Variants in MTHFSD observed in about 807,000 individuals in gnomAD.
MTHFSD encodes the protein methenyltetrahydrofolate synthetase domain containing.
In MTHFSD, 37 loss-of-function variants were observed where a neutral mutation model predicts 31.1. The ratio of observed to expected loss-of-function variants is 1.19; its 90% CI spans 0.91 to 1.56. MTHFSD has a LOEUF of 1.56. Ranked by LOEUF, MTHFSD falls within the 40% of genes most tolerant of loss-of-function variation. The pLI, the probability that MTHFSD is intolerant of heterozygous loss-of-function variation, is 0.00. For synonymous variants in MTHFSD, 221 were observed against 206.9 expected (o/e 1.07, Z -0.59); for missense variants, 664 against 510.1 (o/e 1.30, Z -2.91).
chr16:86,554,831 G>A, intron 1 of MTHFSD, 80 bp from the exon 2 acceptor site: 2 of 1,285,452 alleles, frequency 1.6e-6, no homozygotes, highest in Non-Finnish European at 2.2e-6. Flanking sequence ...GTAGTTAAGC[G>A]ACCCCCGCGT....
chr16:86,531,378 G>A lies in MTHFSD; in HGVS notation c.*633C>T, dbSNP rs1435158559. On this transcript the variant is annotated 3_prime_UTR_variant, in exon 8 of 8. Transcript: ENST00000360900. This position sits in a 1 kb window ranked among gnomAD's most constrained non-coding sequence, Gnocchi z 5.5. ...ATGCAGCCAGCTGGCTGAGGGCCCG[G>A]AGTGTGTCCACAGAGGGAGGAGCGG... 1 of 152,400 alleles carries A rather than the reference G, an allele frequency of 6.6e-6. No individual in the cohort carries two copies. Among genetic ancestry groups the A allele is most frequent in the East Asian group, 1.9e-4 (1 of 5,188 alleles). 9.4% of individuals were successfully genotyped at this position (152,400 alleles called of 1,614,324 possible).
chr16:86,532,268 C>A lies in MTHFSD; in HGVS notation c.895G>T (p.Gly299Trp), dbSNP rs202232973. 296 of 1,567,766 alleles carry A rather than the reference C, an allele frequency of 1.9e-4. 1 individual carries two copies. In the African/African-American group the frequency reaches 3.6e-3, roughly 19 times the overall value. The change falls in exon 8 of 8, where the codon GGG (glycine) becomes TGG (tryptophan). Residue 299 changes from glycine to tryptophan, a missense_variant. Transcript: ENST00000360900. ...SMEAAPGSPPGEGAPLAADVY... is the reference protein window; with the variant it reads ...SMEAAPGSPPWEGAPLAADVY... ...TCGGCTGCAAGCGGGGCACCCTCCC[C>A]TGGTGGGGAGCCAGGGGCTGCCTCC...
At chr16:86,534,666 G>C (rs776163210) in intron 7 of MTHFSD, among the ~76,000 whole-genome samples, 2 of 152,126 alleles carry the variant, frequency 1.3e-5, no homozygotes, top group African/African-American at 4.8e-5. Context: ...ATTTAGTATT[G>C]AAACAGATGA....
rs929930311 is a variant in MTHFSD at position 86,542,736 on chromosome 16, G to A, written c.443-523C>T. Among the ~76,000 whole-genome samples the A allele has an allele frequency of 9.2e-5, 14 of 152,292 alleles. No homozygotes were observed. The highest frequency in any genetic ancestry group is 2.6e-4 in the Admixed American group (4 of 15,294). ...GGGACGGTTTAAGCAGTACTAAAGC[G>A]TTTTGCAAATTTGTAATTAGTGGCA... On this transcript the variant is annotated intron_variant, in intron 5 of 7. Transcript: ENST00000360900. This position sits in a 1 kb window ranked among gnomAD's most constrained non-coding sequence, Gnocchi z 4.6.
At position 86,532,380 on chromosome 16, in the gene MTHFSD, G is replaced by C; in HGVS notation, c.783C>G (p.His261Gln). 6.4e-7 allele frequency: 1 copy of C among 1,571,752 alleles called. No homozygotes were observed. The highest frequency in any genetic ancestry group is 8.6e-7 in the Non-Finnish European group (1 of 1,159,656). Residue 261 changes from histidine (H) to glutamine (Q), a missense_variant, in exon 8 of 8, where the codon CAC (histidine) becomes CAG (glutamine). Physicochemically the swap from His to Gln is conservative, Grantham distance 24. Transcript: ENST00000360900. The stretch of plus-strand genomic sequence containing the variant: ...TCTGCTGGCAGCCTGGTTCCGGAAG[G>C]TGCTGGTGCTCACCCTGGAGGGTGA... Reference protein sequence around the residue: ...KDVTLQGEHQHLPEPGCQQTV... With the variant: ...KDVTLQGEHQQLPEPGCQQTV...
chr16:86,551,761 G>A (rs1037874526), intron 3 of MTHFSD, among the ~76,000 whole-genome samples: 1 of 152,184 alleles, frequency 6.6e-6, no homozygotes, highest in Non-Finnish European at 1.5e-5. Flanking sequence ...TCCCTCTCCT[G>A]TGCCAACTGG....
chr16:86,541,131 C>T (rs1282872473), intron 7 of MTHFSD: 17 of 1,286,200 alleles, frequency 1.3e-5, no homozygotes, highest in Non-Finnish European at 1.6e-5. Context: ...AGCATCATAA[C>T]CTACAGGCTG....
In MTHFSD at chr16:86,548,539, T is replaced by C; in HGVS notation, c.276A>G (p.Arg92=). ...GTGTGATCTTATTAAACAATCCCGT[T>C]CTCAGTCGTGGTGTTGGAACCAACA... is the stretch of plus-strand genomic sequence containing the variant. ...KTLLVPTPRL[R]TGLFNKITPP... Residue 92 remains arginine, a synonymous_variant, in exon 4 of 8, where the codon AGA becomes AGG. Coordinates refer to ENST00000360900, the MANE Select transcript of MTHFSD (RefSeq NM_001159377.2). 1 of 1,613,428 alleles carries C rather than the reference T, an allele frequency of 6.2e-7. No homozygotes were observed. The highest frequency in any genetic ancestry group is 8.5e-7 in the Non-Finnish European group (1 of 1,179,848).
intron 5 of MTHFSD, among the ~76,000 whole-genome samples, chr16:86,545,028 G>GGCCTGTCATACTGGTGCCTGTCA (rs1452938531): frequency 6.6e-6 from 1 of 152,180 alleles, no homozygotes; most frequent in African/African-American, 2.4e-5. Context: ...GACACAGGGA[G>GGCCTGTCATACTGGTGCCTGTCA]GGGAACAACA....
At chr16:86,539,961 G>A (rs1971263024) in intron 7 of MTHFSD, among the ~76,000 whole-genome samples, 1 of 152,116 alleles carries the variant, frequency 6.6e-6, no homozygotes, top group African/African-American at 2.4e-5. Context: ...ATATCATGGA[G>A]AGGTATGCCA....
intron 3 of MTHFSD, among the ~76,000 whole-genome samples, chr16:86,551,338 G>A (rs963109107): frequency 6.6e-6 from 1 of 152,076 alleles, no homozygotes; most frequent in Non-Finnish European, 1.5e-5. Context: ...CCTTTTGAGG[G>A]TACATCAGAC....
Position 86,542,821 on chromosome 16 carries a change from C to T in MTHFSD, c.443-608G>A, listed in dbSNP as rs1001086885. ...TAAGATGAAATCGAGGTTTAACAGC[C>T]TCTCTAGCCAAATCAGCTATTCAGA... On this transcript the variant is annotated intron_variant, in intron 5 of 7. Transcript: ENST00000360900. This position sits in a 1 kb window ranked among gnomAD's most constrained non-coding sequence, Gnocchi z 4.6. Among the ~76,000 whole-genome samples the T allele has an allele frequency of 6.6e-6, 1 of 152,192 alleles. No individual in the cohort carries two copies.
intron 7 of MTHFSD, chr16:86,541,254 A>G: frequency 7.8e-7 from 1 of 1,280,694 alleles, no homozygotes; most frequent in Non-Finnish European, 1.0e-6. Context: ...ACTGCCTCCT[A>G]CTCAGGCTAG....
intron 7 of MTHFSD, chr16:86,533,504 C>G (rs1447081810): frequency 6.6e-6 from 1 of 152,334 alleles, no homozygotes. Flanking sequence ...AGGCCTCCAA[C>G]AGAAGTGAAT....
At chr16:86,544,017 G>A (rs976980419) in intron 5 of MTHFSD, among the ~76,000 whole-genome samples, 17 of 152,202 alleles carry the variant, frequency 1.1e-4, no homozygotes, top group Admixed American at 1.1e-3. Context: ...ACCCTGAGAT[G>A]GGACCGTCTA....
intron 1 of MTHFSD, 155 bp downstream of exon 1, chr16:86,555,014 C>A (rs1973884107): frequency 6.4e-6 from 9 of 1,411,518 alleles, no homozygotes; most frequent in Non-Finnish European, 8.4e-6. Context: ...GCTGGTTCGA[C>A]CCGAACCCAG....
intron 7 of MTHFSD, among the ~76,000 whole-genome samples, chr16:86,537,506 A>G (rs1970874126): frequency 6.6e-6 from 1 of 152,188 alleles, no homozygotes; most frequent in African/African-American, 2.4e-5. Context: ...GATTCCTAGA[A>G]GGTAAATTAT....
At chr16:86,551,771 G>A (rs917371105) in intron 3 of MTHFSD, among the ~76,000 whole-genome samples, 2 of 152,134 alleles carry the variant, frequency 1.3e-5, no homozygotes, top group Admixed American at 6.5e-5. Flanking sequence ...GTGCCAACTG[G>A]GCCTGGAAGC....
intron 5 of MTHFSD, among the ~76,000 whole-genome samples, chr16:86,545,264 A>G (rs1972124764): frequency 6.6e-6 from 1 of 152,220 alleles, no homozygotes; most frequent in Non-Finnish European, 1.5e-5. Flanking sequence ...CAACGTCTAC[A>G]CTAGGAACTC....
Sources: allele counts gnomAD v4.1 joint callset (sites outside exome capture counted in the v4.1 genomes callset), GRCh38; gene constraint gnomAD v4.1.1; non-coding constraint Gnocchi (gnomAD v3.1); transcripts MANE v1.5; gene names NCBI Gene and HGNC (gene_info 2026-07-23, HGNC 2026-07-21).